Variants in BLMH observed in about 807,000 individuals in gnomAD.
BLMH encodes BLM hydrolase.
Under a neutral mutation model 61.6 loss-of-function variants are expected in BLMH, and 32 were observed. The ratio of observed to expected loss-of-function variants is 0.52; its 90% CI spans 0.39 to 0.70. The LOEUF (loss-of-function observed/expected upper bound fraction) is 0.70, where lower values mean the gene tolerates loss of function less well. Among genes scored for constraint, BLMH ranks in the 30% least tolerant of loss-of-function variants. The pLI, the probability that BLMH is intolerant of heterozygous loss-of-function variation, is 0.00. For synonymous variants in BLMH, 183 were observed against 193.8 expected (o/e 0.94, Z 0.46); for missense variants, 460 against 555.5 (o/e 0.83, Z 1.73).
At chr17:30,269,174 TTTA>T (rs1159378257) in intron 10 of BLMH, among the ~76,000 whole-genome samples, 1 of 149,392 alleles carries the variant, frequency 6.7e-6, no homozygotes, top group African/African-American at 2.4e-5. Flanking sequence ...TATTTATTTA[TTTA>T]TTGTTTTTTT....
intron 11 of BLMH, among the ~76,000 whole-genome samples, chr17:30,251,922 A>C (rs1343538555): frequency 2.6e-5 from 4 of 152,254 alleles, no homozygotes; most frequent in Non-Finnish European, 5.9e-5. Flanking sequence ...AGTATGAAAA[A>C]TGAATATAAA....
intron 6 of BLMH, among the ~76,000 whole-genome samples, chr17:30,278,696 G>A (rs1455215810): frequency 2.6e-5 from 4 of 152,156 alleles, no homozygotes; most frequent in Admixed American, 2.0e-4. Context: ...GGGGGACAGA[G>A]CCTCACTCTG....
intron 4 of BLMH, 91 bp downstream of exon 4, chr17:30,287,715 T>C: frequency 6.9e-7 from 1 of 1,458,638 alleles, no homozygotes; most frequent in Non-Finnish European, 9.4e-7. Context: ...AATTCTACTC[T>C]GTACACAACC....
intron 6 of BLMH, among the ~76,000 whole-genome samples, chr17:30,277,837 T>G (rs138535962): frequency 6.6e-6 from 1 of 152,360 alleles, no homozygotes. Flanking sequence ...AGTGAGTCCT[T>G]TTATAAAACA....
chr17:30,249,193 T>G (rs200475752), intron 11 of BLMH, 25 bp from the exon 12 acceptor site: 93 of 1,613,718 alleles, frequency 5.8e-5, no homozygotes, highest in Non-Finnish European at 7.7e-5. Context: ...AGAAGACTTA[T>G]GAGTCCAGAG....
At chr17:30,269,427 C>T (rs1012062227) in intron 10 of BLMH, among the ~76,000 whole-genome samples, 3 of 151,952 alleles carry the variant, frequency 2.0e-5, no homozygotes, top group Non-Finnish European at 4.4e-5. Context: ...GTGATCCTCC[C>T]GCCTCAGCCT....
intron 1 of BLMH, 95 bp downstream of exon 1, chr17:30,291,712 C>G: frequency 1.4e-6 from 2 of 1,415,528 alleles, no homozygotes; most frequent in Non-Finnish European, 1.8e-6. Flanking sequence ...CCGCCATCGC[C>G]AAGGGTCCCA....
At chr17:30,250,076 A>T (rs1052933619) in intron 11 of BLMH, 10 of 152,220 alleles carry the variant, frequency 6.6e-5, no homozygotes, top group Non-Finnish European at 2.9e-5. Flanking sequence ...CTTACACAAA[A>T]ATCAACTCAA....
intron 6 of BLMH, among the ~76,000 whole-genome samples, chr17:30,282,317 G>A (rs1057012324): frequency 3.3e-5 from 5 of 150,064 alleles, no homozygotes; most frequent in African/African-American, 4.9e-5. Context: ...GCAGGGTTCC[G>A]GTGATTCTTG....
intron 9 of BLMH, 31 bp from the exon 10 acceptor site, chr17:30,271,419 G>C (rs1356936455): frequency 1.9e-6 from 3 of 1,562,528 alleles, no homozygotes; most frequent in Non-Finnish European, 2.6e-6. Context: ...CAAAATAAAG[G>C]GAGTACGATC....
chr17:30,271,427 A>T (rs1310572081), intron 9 of BLMH, 39 bp from the exon 10 acceptor site: 1 of 1,536,618 alleles, frequency 6.5e-7, no homozygotes, highest in Non-Finnish European at 9.0e-7. Context: ...AGGGAGTACG[A>T]TCATGGGGAA....
intron 10 of BLMH, among the ~76,000 whole-genome samples, chr17:30,268,206 G>T (rs1908162477): frequency 6.6e-6 from 1 of 152,120 alleles, no homozygotes; most frequent in African/African-American, 2.4e-5. Flanking sequence ...AAGTGATATA[G>T]TTACTTGTTA....
At chr17:30,251,808 T>C (rs1907673909) in intron 11 of BLMH, among the ~76,000 whole-genome samples, 1 of 152,246 alleles carries the variant, frequency 6.6e-6, no homozygotes, top group Non-Finnish European at 1.5e-5. Context: ...ATTCTTAAAA[T>C]TATTAGGGAC....
intron 2 of BLMH, among the ~76,000 whole-genome samples, chr17:30,290,570 G>A (rs1465963545): frequency 1.3e-5 from 2 of 152,246 alleles, no homozygotes; most frequent in East Asian, 3.8e-4. Flanking sequence ...AACAAGCACT[G>A]ATGTGCTTCC....
At position 30,267,403 on chromosome 17, in the gene BLMH, T is replaced by C. The variant is rs1196888652; in HGVS notation, c.1147-449A>G. 2.6e-5 allele frequency among the ~76,000 whole-genome samples: 4 copies of C among 152,282 alleles called. No homozygotes were observed. In the East Asian group the frequency reaches 7.7e-4, roughly 29 times the overall value. On this transcript the variant is annotated intron_variant, in intron 10 of 11. Coordinates refer to ENST00000261714, the MANE Select transcript of BLMH (RefSeq NM_000386.4). ...TTTTAGGAATAATTCTAAAACCTGGTCAGAGTCTTTTTTAAACAAAACAAA... is the reference window on the plus strand; with the variant it reads ...TTTTAGGAATAATTCTAAAACCTGGCCAGAGTCTTTTTTAAACAAAACAAA...
chr17:30,279,137 GAAT>G (rs1420680042), intron 6 of BLMH, among the ~76,000 whole-genome samples: 2 of 152,200 alleles, frequency 1.3e-5, no homozygotes, highest in Non-Finnish European at 2.9e-5. Flanking sequence ...CTCCTCAAAC[GAAT>G]AATGATGTGA....
intron 3 of BLMH, among the ~76,000 whole-genome samples, chr17:30,288,522 G>C (rs1908793369): frequency 6.6e-6 from 1 of 151,346 alleles, no homozygotes. Context: ...GCTAATTTTT[G>C]TATTTTTTGT....
At position 30,266,880 on chromosome 17, in the gene BLMH, C is replaced by T; in HGVS notation, c.1216+5G>A. The T allele has an allele frequency of 6.2e-7, 1 of 1,613,912 alleles. No homozygotes were observed. On this transcript the variant is annotated splice_donor_5th_base_variant and intron_variant, in intron 11 of 11. Transcript: ENST00000261714. ...CTGGAGTTAGTATTACCAAACTGAG[C>T]TCACCTTTGTGGCCATGGTCTTCAC...
rs1287314895 is a variant in BLMH, at chr17:30,285,293, C to T, written c.645+95G>A. Reference sequence around the variant, plus strand: ...TTTCAATTCAATTAAACATTCGTTGCCATGACTAAAGCTTCCTAATCATTA... The same window carrying T: ...TTTCAATTCAATTAAACATTCGTTGTCATGACTAAAGCTTCCTAATCATTA... On this transcript the variant is annotated intron_variant, in intron 6 of 11. Transcript: ENST00000261714. 1.4e-5 allele frequency: 12 copies of T among 842,060 alleles called. No individual in the cohort carries two copies. The Admixed American group carries it at 2.6e-4, about 18-fold the overall frequency. 52.2% of individuals were successfully genotyped at this position (842,060 alleles called of 1,614,324 possible).
Sources: gnomAD v4.1 joint callset for allele counts (sites outside exome capture counted in the v4.1 genomes callset) on GRCh38, gnomAD v4.1.1 for gene constraint, MANE v1.5 for transcripts, NCBI Gene and HGNC (gene_info 2026-07-23, HGNC 2026-07-21) for gene names.